FBXL18: variants seen among roughly 807,000 people sequenced by gnomAD.
The protein encoded by FBXL18 is F-box and leucine rich repeat protein 18.
Under a neutral mutation model 46.0 loss-of-function variants are expected in FBXL18, and 36 were observed. The ratio of observed to expected loss-of-function variants is 0.78; its 90% CI spans 0.60 to 1.03. The LOEUF is 1.03. FBXL18 is among the 50% of genes least tolerant of loss of function. The probability of loss-of-function intolerance (pLI) is 0.00; values close to 1 mark genes in which losing one functional copy is unlikely to be tolerated. For synonymous variants in FBXL18, 557 were observed against 465.3 expected, an observed-to-expected ratio of 1.20 and a Z score of -2.54; for missense variants, 977 against 1,004.1, an observed-to-expected ratio of 0.97 and a Z score of 0.36.
At chr7:5,492,432 A>G (rs12532348) in intron 3 of FBXL18, among the ~76,000 whole-genome samples, 25,379 of 150,380 alleles carry the variant, frequency 0.17, 2,357 homozygotes, top group African/African-American at 0.24. Flanking sequence ...CTGGAGGGGA[A>G]CTCACGTGAC....
intron 4 of FBXL18, among the ~76,000 whole-genome samples, chr7:5,487,275 T>C (rs1191023529): frequency 6.6e-6 from 1 of 152,234 alleles, no homozygotes; most frequent in African/African-American, 2.4e-5. Flanking sequence ...GAGGAAGCTG[T>C]GGTACAGGTG....
rs36071919 is a variant in FBXL18, at chr7:5,455,763, AACACACAC to A, written c.2001-7928_2001-7921del. Among the ~76,000 whole-genome samples the A allele has an allele frequency of 7.0e-6, 1 of 142,726 alleles. No homozygotes were observed. The highest frequency in any genetic ancestry group is 2.6e-5 in the African/African-American group (1 of 38,444). 93.6% of individuals were successfully genotyped at this position (142,726 alleles called of 152,430 possible). A position where few individuals can be genotyped will look rare whatever the true frequency, so the allele number is the denominator to read the frequency against. On this transcript the variant is annotated intron_variant and NMD_transcript_variant, in intron 4 of 6. Coordinates refer to the FBXL18 transcript ENST00000415009. The surrounding 1 kb of genome is among the most constrained non-coding windows in gnomAD (Gnocchi z 4.6). The stretch of plus-strand genomic sequence containing the variant: ...CCCCCACCCCCACTACACACACACA[AACACACAC>A]ACACACACACACACACCACTTCCAT...
intron 1 of FBXL18, among the ~76,000 whole-genome samples, chr7:5,511,375 T>TC (rs1784526951): frequency 6.6e-6 from 1 of 151,898 alleles, no homozygotes; most frequent in Non-Finnish European, 1.5e-5. Flanking sequence ...GGTCAGTAGT[T>TC]CAAGACTGGC....
chr7:5,509,683 C>A (rs1784479510), intron 1 of FBXL18, among the ~76,000 whole-genome samples: 2 of 128,468 alleles, frequency 1.6e-5, no homozygotes, highest in African/African-American at 3.1e-5. Flanking sequence ...GCCTGGGTGA[C>A]AGAGTGAGAT....
At chr7:5,497,921 C>A (rs1784125549) in intron 3 of FBXL18, among the ~76,000 whole-genome samples, 1 of 152,084 alleles carries the variant, frequency 6.6e-6, no homozygotes, top group Non-Finnish European at 1.5e-5. Context: ...AGCATGACTT[C>A]ATGTACCCGC....
intron 3 of FBXL18, among the ~76,000 whole-genome samples, chr7:5,497,202 A>T (rs889636291): frequency 4.7e-5 from 7 of 150,014 alleles, no homozygotes; most frequent in African/African-American, 1.7e-4. Context: ...ACCATTTTTA[A>T]AAAAAAAAAG....
At chr7:5,497,849 C>T (rs1309982031) in intron 3 of FBXL18, among the ~76,000 whole-genome samples, 1 of 152,102 alleles carries the variant, frequency 6.6e-6, no homozygotes, top group Non-Finnish European at 1.5e-5. Context: ...TCAGCAAAGG[C>T]ACAAGGTGAA....
chr7:5,474,943 C>T (rs1408211901), downstream of FBXL18, among the ~76,000 whole-genome samples: 9 of 146,194 alleles, frequency 6.2e-5, no homozygotes, highest in Non-Finnish European at 9.1e-5. Context: ...CTCCTGACCT[C>T]GTGATCCGCC....
At chr7:5,494,967 C>T (rs4320462) in intron 3 of FBXL18, among the ~76,000 whole-genome samples, 77,022 of 152,176 alleles carry the variant, frequency 0.51, 20,312 homozygotes, top group East Asian at 0.72. Context: ...GGCAGGCCCA[C>T]GGGAGTGACT....
chr7:5,488,704 C>T (rs901097334), intron 4 of FBXL18, among the ~76,000 whole-genome samples: 12 of 152,236 alleles, frequency 7.9e-5, no homozygotes, highest in African/African-American at 2.9e-4. Flanking sequence ...GAGTGGAGCC[C>T]AGCCGCAAGC....
At chr7:5,489,358 G>A (rs1466388012) in intron 4 of FBXL18, 2 of 517,498 alleles carry the variant, frequency 3.9e-6, no homozygotes, top group South Asian at 1.4e-5. Context: ...ATGTTGGCCA[G>A]GCGTTGTGGC....
chr7:5,502,342 C>A (rs139022865), intron 2 of FBXL18, among the ~76,000 whole-genome samples: 3 of 152,274 alleles, frequency 2.0e-5, no homozygotes, highest in African/African-American at 7.2e-5. Context: ...CGAGACCAGC[C>A]TGGCCAACAT....
At chr7:5,458,399 T>C (rs1015064390) in intron 4 of FBXL18, among the ~76,000 whole-genome samples, 1 of 152,138 alleles carries the variant, frequency 6.6e-6, no homozygotes, top group Non-Finnish European at 1.5e-5. Context: ...ACCCCGTCTC[T>C]ACTAAAAATA....
At chr7:5,491,985 A>T (rs1783939627) in intron 3 of FBXL18, among the ~76,000 whole-genome samples, 1 of 151,650 alleles carries the variant, frequency 6.6e-6, no homozygotes, top group South Asian at 2.1e-4. Flanking sequence ...CAGGAACTTC[A>T]GCCAGATGGG....
In FBXL18 at chr7:5,476,215, G is replaced by GCA. The variant is rs1205676429; in HGVS notation, c.*5558_*5559dup. On this transcript the variant is annotated 3_prime_UTR_variant, in exon 5 of 5. Coordinates refer to ENST00000382368, the MANE Select transcript of FBXL18 (RefSeq NM_024963.6). ...ATGCTTGCCCATGAACACCCCCCGG[G>GCA]CACACACACACCCTTGCACACTCCC... 2.6e-5 allele frequency: 4 copies of GCA among 152,244 alleles called. No homozygotes were observed. Among genetic ancestry groups the GCA allele is most frequent in the African/African-American group, 7.3e-5 (3 of 41,116 alleles). The allele number at this position is 152,244 out of a possible 1,614,324, so 9.4% of individuals were successfully genotyped here. A position where few individuals can be genotyped will look rare whatever the true frequency, so the allele number is the denominator to read the frequency against.
chr7:5,503,396 A>C (rs1490309426), intron 2 of FBXL18, among the ~76,000 whole-genome samples: 1 of 152,164 alleles, frequency 6.6e-6, no homozygotes, highest in Non-Finnish European at 1.5e-5. Flanking sequence ...TCTGTTGTCC[A>C]GGCTGGAGCA....
intron 3 of FBXL18, among the ~76,000 whole-genome samples, chr7:5,494,207 G>C (rs1784012453): frequency 6.6e-6 from 1 of 152,094 alleles, no homozygotes; most frequent in Non-Finnish European, 1.5e-5. Context: ...GGGAGGCAGA[G>C]GTTGCGGTGA....
At chr7:5,482,497 C>T (rs1181542056) in intron 4 of FBXL18, among the ~76,000 whole-genome samples, 1 of 151,200 alleles carries the variant, frequency 6.6e-6, no homozygotes, top group Non-Finnish European at 1.5e-5. Flanking sequence ...GTAGGCGACC[C>T]CCCCCCAATG....
intron 4 of FBXL18, among the ~76,000 whole-genome samples, chr7:5,483,147 C>CA (rs1285002849): frequency 2.0e-5 from 3 of 151,930 alleles, no homozygotes; most frequent in Non-Finnish European, 4.4e-5. Context: ...GAGAGGAAGA[C>CA]AAAAACATCC....
Sources: gnomAD v4.1 joint callset for allele counts (sites outside exome capture counted in the v4.1 genomes callset) on GRCh38, gnomAD v4.1.1 for gene constraint, Gnocchi (gnomAD v3.1) non-coding constraint, MANE v1.5 for transcripts, NCBI Gene and HGNC (gene_info 2026-07-23, HGNC 2026-07-21) for gene names.